Variants in PKN2 observed in about 807,000 individuals in gnomAD.
PKN2 encodes serine/threonine-protein kinase N2.
In PKN2, 38 loss-of-function variants were observed where a neutral mutation model predicts 119.1. That is an observed-to-expected ratio of 0.32 (90% confidence interval 0.25 to 0.42). The LOEUF (loss-of-function observed/expected upper bound fraction) is 0.42. Ranked by LOEUF, PKN2 falls within the 10% of genes least tolerant of loss-of-function variation. PKN2 has a pLI of 1.00. For synonymous variants in PKN2, 390 were observed against 384.9 expected (o/e 1.01, Z -0.15); for missense variants, 850 against 1,165.1 (o/e 0.73, Z 3.94).
chr1:88,821,037 T>C (rs941559832), intron 16 of PKN2, among the ~76,000 whole-genome samples: 3 of 152,210 alleles, frequency 2.0e-5, no homozygotes, highest in African/African-American at 7.2e-5. Flanking sequence ...CTTTTACATA[T>C]CATCACCTGC....
At chr1:88,757,053 T>C (rs1669235623) in intron 2 of PKN2, among the ~76,000 whole-genome samples, 1 of 152,126 alleles carries the variant, frequency 6.6e-6, no homozygotes, top group East Asian at 1.9e-4. Flanking sequence ...AGTTGCTCTT[T>C]TGTGATTTGA....
chr1:88,765,144 G>T (rs1669612203), intron 3 of PKN2, among the ~76,000 whole-genome samples: 1 of 151,998 alleles, frequency 6.6e-6, no homozygotes, highest in African/African-American at 2.4e-5. Context: ...GGCCAGGCTG[G>T]TCTTGAGCTC....
intron 1 of PKN2, among the ~76,000 whole-genome samples, chr1:88,727,144 G>C (rs1667928414): frequency 6.8e-6 from 1 of 147,978 alleles, no homozygotes; most frequent in African/African-American, 2.5e-5. Context: ...CATCTTGGTG[G>C]ATAGACTTTT....
chr1:88,816,302 A>G (rs1318911662), intron 16 of PKN2, among the ~76,000 whole-genome samples: 3 of 152,070 alleles, frequency 2.0e-5, no homozygotes, highest in Admixed American at 1.3e-4. Context: ...GCTGGAGTGC[A>G]GTGGCACCGT....
chr1:88,710,790 A>G (rs572869394), intron 1 of PKN2, among the ~76,000 whole-genome samples: 3 of 152,308 alleles, frequency 2.0e-5, no homozygotes, highest in African/African-American at 7.2e-5. Context: ...TAGCAATTTC[A>G]TTATTTTGTA....
rs570785421 is a variant in PKN2 at position 88,734,803 on chromosome 1, A to G, written c.49-6185A>G. On this transcript the variant is annotated intron_variant, in intron 1 of 21. Transcript: ENST00000370521. ...GCAGTTACCATGAAGCTTATGAAAAAAATCTTAAAATGAGATATTTGAAAC... is the reference window on the plus strand; with the variant it reads ...GCAGTTACCATGAAGCTTATGAAAAGAATCTTAAAATGAGATATTTGAAAC... 2.6e-5 allele frequency among the ~76,000 whole-genome samples: 4 copies of G among 152,248 alleles called. No homozygotes were observed. In the East Asian group the frequency reaches 7.7e-4, roughly 29 times the overall value.
chr1:88,740,869 T>G (rs72953672), intron 1 of PKN2, 119 bp from the exon 2 acceptor site: 18 of 565,468 alleles, frequency 3.2e-5, no homozygotes, highest in Non-Finnish European at 4.8e-5. Flanking sequence ...AAGGAGATAA[T>G]TAAATATAGT....
chr1:88,717,360 A>T (rs977865463), intron 1 of PKN2, among the ~76,000 whole-genome samples: 5 of 152,252 alleles, frequency 3.3e-5, no homozygotes, highest in Admixed American at 6.5e-5. Flanking sequence ...AGGTTGGGGA[A>T]GTTCTCCTGG....
At chr1:88,684,917 G>A in intron 1 of PKN2, 1 of 356,130 alleles carries the variant, frequency 2.8e-6, no homozygotes, top group South Asian at 8.5e-5. Context: ...GCTCTCGCCT[G>A]GTCCCCGGAG....
intron 8 of PKN2, among the ~76,000 whole-genome samples, chr1:88,789,513 A>G (rs959808390): frequency 4.6e-5 from 7 of 151,906 alleles, no homozygotes; most frequent in African/African-American, 1.7e-4. Flanking sequence ...AAATACAAAA[A>G]TTAGCTGGGT....
At chr1:88,715,953 A>G (rs375584065) in intron 1 of PKN2, among the ~76,000 whole-genome samples, 3 of 152,258 alleles carry the variant, frequency 2.0e-5, no homozygotes, top group South Asian at 2.1e-4. Flanking sequence ...TTCTCTTTAC[A>G]CACTGCTTTA....
intron 6 of PKN2, among the ~76,000 whole-genome samples, chr1:88,772,901 T>C (rs1669952707): frequency 6.6e-6 from 1 of 152,188 alleles, no homozygotes; most frequent in Non-Finnish European, 1.5e-5. Context: ...AGTATGGTAA[T>C]ATATCTAACT....
chr1:88,769,893 C>T (rs1291319053), intron 3 of PKN2, among the ~76,000 whole-genome samples: 10 of 152,098 alleles, frequency 6.6e-5, no homozygotes, highest in Admixed American at 5.9e-4. Flanking sequence ...TAATACATAG[C>T]GTGAACTATA....
intron 6 of PKN2, among the ~76,000 whole-genome samples, chr1:88,778,953 G>A (rs1463387452): frequency 6.6e-6 from 1 of 152,166 alleles, no homozygotes; most frequent in South Asian, 2.1e-4. Flanking sequence ...TCGATCTCCT[G>A]ACCTTGTGAT....
chr1:88,787,218 G>A (rs1670615592), intron 8 of PKN2, among the ~76,000 whole-genome samples: 1 of 152,004 alleles, frequency 6.6e-6, no homozygotes, highest in African/African-American at 2.4e-5. Flanking sequence ...AAGGGGATTT[G>A]AGAATGGAGA....
intron 1 of PKN2, among the ~76,000 whole-genome samples, chr1:88,736,347 C>T (rs1362100623): frequency 6.6e-6 from 1 of 151,908 alleles, no homozygotes; most frequent in African/African-American, 2.4e-5. Context: ...AATTATGGTT[C>T]CTGAATGCTT....
chr1:88,720,226 GC>G (rs1667617680), intron 1 of PKN2, among the ~76,000 whole-genome samples: 1 of 152,058 alleles, frequency 6.6e-6, no homozygotes, highest in Non-Finnish European at 1.5e-5. Context: ...TCACCATGTT[GC>G]CCAGGCTGGT....
intron 6 of PKN2, among the ~76,000 whole-genome samples, chr1:88,776,555 C>G (rs1670113762): frequency 6.6e-6 from 1 of 151,836 alleles, no homozygotes; most frequent in South Asian, 2.1e-4. Flanking sequence ...GCCTGGCCAG[C>G]ATGGTGAAAC....
intron 1 of PKN2, among the ~76,000 whole-genome samples, chr1:88,694,338 G>A (rs1557543844): frequency 2.0e-5 from 3 of 152,092 alleles, no homozygotes; most frequent in African/African-American, 4.8e-5. Context: ...ATAGTTGTGC[G>A]TTTGGGAAAA....
Sources: gnomAD v4.1 joint callset for allele counts (sites outside exome capture counted in the v4.1 genomes callset) on GRCh38, gnomAD v4.1.1 for gene constraint, MANE v1.5 for transcripts, NCBI Gene and HGNC (gene_info 2026-07-23, HGNC 2026-07-21) for gene names.